The following AMN1 variants were observed in gnomAD, a reference collection of about 807,000 sequenced individuals.
The protein encoded by AMN1 is protein AMN1 homolog.
Under a neutral mutation model 33.0 loss-of-function variants are expected in AMN1, and 20 were observed. The ratio of observed to expected loss-of-function variants is 0.61; its 90% CI spans 0.43 to 0.88. AMN1 has a LOEUF of 0.88. Among genes scored for constraint, AMN1 ranks in the 40% least tolerant of loss-of-function variants. AMN1 has a pLI of 0.00. For missense variants in AMN1, 246 were observed against 307.4 expected, an observed-to-expected ratio of 0.80 and a Z score of 1.49; for synonymous variants, 114 against 111.9, an observed-to-expected ratio of 1.02 and a Z score of -0.12.
intron 1 of AMN1, among the ~76,000 whole-genome samples, chr12:31,721,700 G>T (rs921421846): frequency 6.6e-6 from 1 of 152,158 alleles, no homozygotes; most frequent in Non-Finnish European, 1.5e-5. Context: ...TGACTCTTGG[G>T]CTGTTGACAA....
intron 2 of AMN1, among the ~76,000 whole-genome samples, chr12:31,706,569 CA>C (rs1353864939): frequency 6.6e-6 from 1 of 152,096 alleles, no homozygotes; most frequent in East Asian, 1.9e-4. Flanking sequence ...AGCAAAAATA[CA>C]AAAGATAACA....
chr12:31,687,140 T>C lies in AMN1; in HGVS notation c.703+1867A>G, dbSNP rs746880098. Among the ~76,000 whole-genome samples, 7 of 152,140 alleles carry C rather than the reference T, an allele frequency of 4.6e-5. No homozygotes were observed. Among genetic ancestry groups the C allele is most frequent in the South Asian group, 2.1e-4 (1 of 4,812 alleles). ...ATCCACCCACCTTAGCCTCCCACAG[T>C]GCTGGGATTACAGGCATAAACCACT... On this transcript the variant is annotated intron_variant, in intron 6 of 6. Transcript: ENST00000281471. This position sits in a 1 kb window ranked among gnomAD's most constrained non-coding sequence, Gnocchi z 4.1.
chr12:31,718,914 C>G (rs1050407822), intron 1 of AMN1, among the ~76,000 whole-genome samples: 1 of 152,278 alleles, frequency 6.6e-6, no homozygotes, highest in African/African-American at 2.4e-5. Context: ...CCCCTCCCCC[C>G]GCCAAGCTCC....
intron 6 of AMN1, chr12:31,673,725 A>G (rs1296666403): frequency 8.1e-6 from 3 of 371,220 alleles, no homozygotes; most frequent in South Asian, 2.1e-5. Context: ...AAAATGCTCA[A>G]CAAAACACCA....
chr12:31,675,254 C>T lies in AMN1; in HGVS notation c.704-2877G>A, dbSNP rs575192372. ...GAAATATAGTGAGACCCTGTCTCTG[C>T]GAAAGAAATTTAAAAATTAGCTGAG... On this transcript the variant is annotated intron_variant, in intron 6 of 6. Transcript: ENST00000281471. 9.8e-4 allele frequency among the ~76,000 whole-genome samples: 148 copies of T among 151,398 alleles called. 1 individual carries two copies. The highest frequency in any genetic ancestry group is 3.4e-3 in the African/African-American group (140 of 40,974).
chr12:31,672,243 T>C lies in AMN1; in HGVS notation c.*61A>G. On this transcript the variant is annotated 3_prime_UTR_variant, in exon 7 of 7. Coordinates refer to ENST00000281471, the MANE Select transcript of AMN1 (RefSeq NM_001113402.2). The stretch of plus-strand genomic sequence containing the variant: ...TAAGTAGAATGCAAATCTCTATAGA[T>C]GGTTTCCTGGGAAAGTAGTTTTGAT... The C allele has an allele frequency of 8.9e-7, 1 of 1,127,490 alleles. No homozygotes were observed. The highest frequency in any genetic ancestry group is 1.3e-6 in the Non-Finnish European group (1 of 762,822). The allele number at this position is 1,127,490 out of a possible 1,614,324, so 69.8% of individuals were successfully genotyped here. A position where few individuals can be genotyped will look rare whatever the true frequency, so the allele number is the denominator to read the frequency against.
intron 1 of AMN1, among the ~76,000 whole-genome samples, chr12:31,709,772 T>C (rs1462325467): frequency 6.6e-6 from 1 of 152,132 alleles, no homozygotes; most frequent in East Asian, 1.9e-4. Context: ...GAGACTGCAG[T>C]GAGCTGTGAT....
At chr12:31,681,802 A>G (rs1938028205) in intron 6 of AMN1, among the ~76,000 whole-genome samples, 1 of 152,138 alleles carries the variant, frequency 6.6e-6, no homozygotes, top group South Asian at 2.1e-4. Context: ...CAGCCTCCCG[A>G]GTAGCTGGGA....
chr12:31,693,824 G>C (rs978039393), intron 5 of AMN1, among the ~76,000 whole-genome samples: 4 of 151,918 alleles, frequency 2.6e-5, no homozygotes, highest in Non-Finnish European at 5.9e-5. Context: ...TTACAGGTGT[G>C]AGCCACCGCA....
chr12:31,690,430 A>T (rs1938452057), intron 5 of AMN1, among the ~76,000 whole-genome samples: 1 of 151,532 alleles, frequency 6.6e-6, no homozygotes, highest in African/African-American at 2.4e-5. Context: ...TTATTTTTTT[A>T]TTTTTTTTAT....
intron 2 of AMN1, chr12:31,708,979 A>G: frequency 2.4e-6 from 1 of 414,444 alleles, no homozygotes; most frequent in South Asian, 1.8e-5. Flanking sequence ...GGAGTTCGAG[A>G]CCAGCCTGGG....
intron 1 of AMN1, among the ~76,000 whole-genome samples, chr12:31,722,232 A>G (rs1592178455): frequency 6.6e-6 from 1 of 151,378 alleles, no homozygotes; most frequent in East Asian, 1.9e-4. Context: ...TTATGGTTTC[A>G]TTGTTCCAGT....
chr12:31,706,699 C>A (rs545089126), intron 2 of AMN1, among the ~76,000 whole-genome samples: 7 of 152,266 alleles, frequency 4.6e-5, no homozygotes, highest in Admixed American at 1.3e-4. Flanking sequence ...GATTAACCAT[C>A]TTTTTCTAGT....
chr12:31,695,347 G>C (rs1405797338), intron 5 of AMN1, among the ~76,000 whole-genome samples: 3 of 152,066 alleles, frequency 2.0e-5, no homozygotes, highest in African/African-American at 7.2e-5. Flanking sequence ...AAGGCAGTTA[G>C]TATACAGCCT....
intron 6 of AMN1, among the ~76,000 whole-genome samples, chr12:31,682,079 T>G (rs1938041248): frequency 6.6e-6 from 1 of 152,196 alleles, no homozygotes; most frequent in East Asian, 1.9e-4. Context: ...ATCAAAAAAG[T>G]GTTCTGTGCT....
intron 1 of AMN1, among the ~76,000 whole-genome samples, chr12:31,726,452 C>A (rs577972163): frequency 2.6e-5 from 4 of 152,276 alleles, no homozygotes; most frequent in Admixed American, 2.6e-4. Context: ...TGAGCCACGG[C>A]CCCCAACTAA....
At chr12:31,672,530 ATAAT>A (rs1565756372) in intron 6 of AMN1, 153 bp from the exon 7 acceptor site, 2 of 583,782 alleles carry the variant, frequency 3.4e-6, no homozygotes, top group Admixed American at 2.7e-5. Flanking sequence ...TAACTCACTA[ATAAT>A]TAATTAATGG....
intron 2 of AMN1, 164 bp downstream of exon 2, chr12:31,709,129 T>G (rs1261741010): frequency 1.3e-6 from 1 of 764,280 alleles, no homozygotes; most frequent in Admixed American, 2.1e-5. Context: ...GAGCTGAGAT[T>G]GCACCACTGT....
chr12:31,679,733 T>G (rs1937909212), intron 6 of AMN1, among the ~76,000 whole-genome samples: 1 of 152,186 alleles, frequency 6.6e-6, no homozygotes, highest in African/African-American at 2.4e-5. Context: ...TAGATAACTA[T>G]GAGAAACGGC....
Sources: gnomAD v4.1 joint callset for allele counts (sites outside exome capture counted in the v4.1 genomes callset) on GRCh38, gnomAD v4.1.1 for gene constraint, Gnocchi (gnomAD v3.1) non-coding constraint, MANE v1.5 for transcripts, NCBI Gene and HGNC (gene_info 2026-07-23, HGNC 2026-07-21) for gene names.